Variants in LINGO1 observed in about 807,000 individuals in gnomAD.
LINGO1 encodes leucine-rich repeat and immunoglobulin-like domain-containing nogo receptor-interacting protein 1.
LINGO1 carries 11 observed loss-of-function variants against 37.3 expected under a neutral mutation model. That is an observed-to-expected ratio of 0.29 (90% CI 0.19 to 0.49). The LOEUF (loss-of-function observed/expected upper bound fraction) is 0.49. Among genes scored for constraint, LINGO1 ranks in the 20% least tolerant of loss-of-function variants. The pLI, the probability that LINGO1 is intolerant of heterozygous loss-of-function variation, is 0.99. For missense variants in LINGO1, 585 were observed against 878.2 expected (o/e 0.67, Z 4.22); for synonymous variants, 387 against 403.0 (o/e 0.96, Z 0.48).
intron 3 of LINGO1, among the ~76,000 whole-genome samples, chr15:77,676,842 G>A (rs971337382): frequency 1.3e-5 from 2 of 152,206 alleles, no homozygotes; most frequent in African/African-American, 4.8e-5. Flanking sequence ...AGCATCCCGG[G>A]GACAAAGCCT....
At chr15:77,674,750 C>T (rs915917983) in intron 3 of LINGO1, among the ~76,000 whole-genome samples, 1 of 151,942 alleles carries the variant, frequency 6.6e-6, no homozygotes, top group African/African-American at 2.4e-5. Flanking sequence ...TTGCCCAACA[C>T]TTCCCATCCC....
At chr15:77,810,899 G>C (rs557351793) in intron 1 of LINGO1, among the ~76,000 whole-genome samples, 7 of 152,274 alleles carry the variant, frequency 4.6e-5, no homozygotes, top group Admixed American at 1.3e-4. Context: ...GCAGGAGGCC[G>C]GAAGACAAAG....
chr15:77,731,111 C>T (rs117152051), intron 2 of LINGO1, among the ~76,000 whole-genome samples: 118 of 152,306 alleles, frequency 7.7e-4, no homozygotes, highest in Admixed American at 2.8e-3. Flanking sequence ...ATTCCGGGTA[C>T]CTTCCAGCCC....
chr15:77,753,564 G>C (rs890521063), intron 1 of LINGO1, among the ~76,000 whole-genome samples: 2 of 152,174 alleles, frequency 1.3e-5, no homozygotes, highest in African/African-American at 4.8e-5. Flanking sequence ...GGGTGCAGCT[G>C]AGAGAGAGAG....
chr15:77,773,175 C>T (rs1020219895), intron 1 of LINGO1, among the ~76,000 whole-genome samples: 1 of 152,234 alleles, frequency 6.6e-6, no homozygotes, highest in Non-Finnish European at 1.5e-5. Flanking sequence ...TCCTATAAGG[C>T]CTCAGTCTCC....
intron 2 of LINGO1, among the ~76,000 whole-genome samples, chr15:77,734,011 G>A (rs143279072): frequency 8.2e-4 from 125 of 152,248 alleles, no homozygotes; most frequent in Middle Eastern, 3.4e-3. Context: ...GATGAGCTAC[G>A]AGGAGCTCCC....
chr15:77,792,808 C>T (rs1428515032), intron 2 of LINGO1, among the ~76,000 whole-genome samples: 2 of 152,216 alleles, frequency 1.3e-5, no homozygotes, highest in Non-Finnish European at 2.9e-5. Flanking sequence ...AGAACAATGC[C>T]TCATGTGTAG....
At chr15:77,779,839 T>C (rs551632448) in intron 1 of LINGO1, among the ~76,000 whole-genome samples, 2 of 152,154 alleles carry the variant, frequency 1.3e-5, no homozygotes, top group African/African-American at 4.8e-5. Context: ...AAACAGTGCC[T>C]GGACTAGGAG....
chr15:77,747,115 TAAG>T (rs1049194614), intron 1 of LINGO1, among the ~76,000 whole-genome samples: 22 of 152,298 alleles, frequency 1.4e-4, no homozygotes, highest in African/African-American at 3.1e-4. Context: ...CTGAGTTAGC[TAAG>T]AAGAATACCC....
chr15:77,689,382 G>A (rs2075564860), intron 2 of LINGO1, among the ~76,000 whole-genome samples: 2 of 152,206 alleles, frequency 1.3e-5, no homozygotes, highest in Admixed American at 6.5e-5. Flanking sequence ...GCCTCCCTGC[G>A]CTAAAGGGTA....
chr15:77,713,180 T>C (rs112290186), intron 2 of LINGO1, among the ~76,000 whole-genome samples: 2,882 of 148,710 alleles, frequency 0.019, 101 homozygotes, highest in African/African-American at 0.069. Flanking sequence ...ATAGCTGGGA[T>C]TACAGGCACA....
chr15:77,630,427 T>A (rs939130472), intron 1 of LINGO1, among the ~76,000 whole-genome samples: 1 of 152,156 alleles, frequency 6.6e-6, no homozygotes, highest in Admixed American at 6.5e-5. Flanking sequence ...CACAAGAGGT[T>A]GTTTTTTGGG....
intron 1 of LINGO1, among the ~76,000 whole-genome samples, chr15:77,755,609 C>T (rs78046473): frequency 6.6e-6 from 1 of 152,298 alleles, no homozygotes; most frequent in Non-Finnish European, 1.5e-5. Flanking sequence ...AATAGAGTTG[C>T]TATCATTGTT....
Position 77,656,043 on chromosome 15 carries a change from C to T in LINGO1, c.-13+21046G>A, listed in dbSNP as rs183525721. Among the ~76,000 whole-genome samples the T allele has an allele frequency of 3.8e-3, 578 of 152,366 alleles. 3 individuals carry two copies. The highest frequency in any genetic ancestry group is 5.9e-3 in the Non-Finnish European group (404 of 68,034). On this transcript the variant is annotated intron_variant, in intron 3 of 3. Transcript: ENST00000559893. ...GGGAGCAGGGTCTGCGTCCTCTACC[C>T]TCTGCTGCTTCCAGTGTGGCTGCCC...
At chr15:77,720,113 C>T (rs967041657) in intron 2 of LINGO1, among the ~76,000 whole-genome samples, 1 of 150,206 alleles carries the variant, frequency 6.7e-6, no homozygotes, top group African/African-American at 2.4e-5. Flanking sequence ...CTTGGCTTCA[C>T]CAAGGACCCC....
intron 1 of LINGO1, among the ~76,000 whole-genome samples, chr15:77,694,258 G>GCTCCC (rs1415019274): frequency 6.6e-6 from 1 of 152,056 alleles, no homozygotes; most frequent in East Asian, 1.9e-4. Flanking sequence ...ATCACAGAAC[G>GCTCCC]CTCCCACCGA....
chr15:77,785,443 C>T (rs1370436841), intron 1 of LINGO1, among the ~76,000 whole-genome samples: 4 of 152,154 alleles, frequency 2.6e-5, no homozygotes, highest in African/African-American at 4.8e-5. Context: ...GTCCACAGAC[C>T]CTATGCTAAA....
At chr15:77,698,871 G>T (rs1226866087), upstream of LINGO1, among the ~76,000 whole-genome samples, 2 of 152,170 alleles carry the variant, frequency 1.3e-5, no homozygotes, top group Non-Finnish European at 2.9e-5. Context: ...GGGGAGACGT[G>T]CAGGCAGAGT....
At chr15:77,622,260 C>T (rs560568620) in intron 1 of LINGO1, among the ~76,000 whole-genome samples, 1 of 149,230 alleles carries the variant, frequency 6.7e-6, no homozygotes, top group African/African-American at 2.5e-5. Flanking sequence ...GGTGAGGCTG[C>T]AGAGGAGAGG....
Sources: allele counts gnomAD v4.1 joint callset (sites outside exome capture counted in the v4.1 genomes callset), GRCh38; gene constraint gnomAD v4.1.1; transcripts MANE v1.5; gene names NCBI Gene and HGNC (gene_info 2026-07-23, HGNC 2026-07-21).